The following LRRC71 variants were observed in gnomAD, a reference collection of about 807,000 sequenced individuals.
LRRC71 encodes the protein leucine-rich repeat-containing protein 71.
In LRRC71, 54 loss-of-function variants were observed where a neutral mutation model predicts 66.6. That is an observed-to-expected ratio of 0.81 (90% CI 0.65 to 1.02). The LOEUF (loss-of-function observed/expected upper bound fraction) is 1.02, where lower values mean the gene tolerates loss of function less well. Among genes scored for constraint, LRRC71 ranks in the 50% least tolerant of loss-of-function variants. The pLI is 0.00. For missense variants in LRRC71, 724 were observed against 718.0 expected, an observed-to-expected ratio of 1.01 and a Z score of -0.10; for synonymous variants, 323 against 303.9, an observed-to-expected ratio of 1.06 and a Z score of -0.65.
intron 9 of LRRC71, among the ~76,000 whole-genome samples, chr1:156,928,363 C>CTCTTCTCCTTCTTCTTCTTCTTCTTCT (rs1653596078): frequency 1.0e-5 from 1 of 98,784 alleles, no homozygotes; most frequent in Admixed American, 1.1e-4. Flanking sequence ...CTTCTTCTTC[C>CTCTTCTCCTTCTTCTTCTTCTTCTTCT]TCTTCTTCTT....
At chr1:156,937,180 C>G (rs1655603914), downstream of LRRC71, 1 of 1,602,812 alleles carries the variant, frequency 6.2e-7, no homozygotes, top group African/African-American at 1.3e-5. Flanking sequence ...ACACACATCT[C>G]ACTCATGGGG....
In LRRC71 at chr1:156,927,779, A is replaced by T; in HGVS notation, c.869A>T (p.Asn290Ile). The T allele has an allele frequency of 6.2e-7, 1 of 1,612,574 alleles. No homozygotes were observed. Among genetic ancestry groups the T allele is most frequent in the Non-Finnish European group, 8.5e-7 (1 of 1,179,718 alleles). The change falls in exon 8 of 15, where the codon AAC (asparagine) becomes ATC (isoleucine). Residue 290 changes from asparagine to isoleucine, a missense_variant. Transcript: ENST00000337428. ...RSLLWLSLAH[N>I]RIQDKGALKL... ...CTGCTCTGGCTGTCCCTGGCCCACA[A>T]CCGCATCCAGGACAAGGGCGCCCTG... is the stretch of plus-strand genomic sequence containing the variant.
At chr1:156,925,623 G>A (rs1436716139) in intron 5 of LRRC71, among the ~76,000 whole-genome samples, 12 of 152,250 alleles carry the variant, frequency 7.9e-5, no homozygotes. Context: ...GGAAGGAGCA[G>A]GAGCAAGGCA....
chr1:156,921,620 A>G, intron 1 of LRRC71: 9 of 984,974 alleles, frequency 9.1e-6, no homozygotes, highest in Non-Finnish European at 1.1e-5. Flanking sequence ...GATGGGGAGA[A>G]GGAATTATAG....
At position 156,927,312 on chromosome 1, in the gene LRRC71, C is replaced by G. The variant is rs200421185; in HGVS notation, c.662+42C>G. ...TCACCCCCTTTCTCTGGGCCTGTCT[C>G]GAAATTCCAAGCCATTTTTAGTCCC... On this transcript the variant is annotated intron_variant, in intron 6 of 14. Transcript: ENST00000337428. 1.5e-5 allele frequency: 24 copies of G among 1,601,324 alleles called. 1 individual carries two copies. In the Middle Eastern group the frequency reaches 5.0e-4, roughly 33 times the overall value.
the LRRC71 span, chr1:156,940,382 C>T: frequency 6.2e-7 from 1 of 1,612,934 alleles, no homozygotes; most frequent in East Asian, 2.2e-5. Context: ...GGTCCTCTAG[C>T]AGGACCTGGT....
chr1:156,939,707 C>A, the LRRC71 span: 1 of 1,614,114 alleles, frequency 6.2e-7, no homozygotes, highest in Non-Finnish European at 8.5e-7. Context: ...TCTGGCCGTT[C>A]CCCCTCCAGC....
chr1:156,935,930 C>T (rs964413051), downstream of LRRC71: 6 of 1,531,666 alleles, frequency 3.9e-6, no homozygotes, highest in Non-Finnish European at 5.3e-6. Flanking sequence ...TCCCCCCTAC[C>T]CTGTGCCCCG....
At position 156,929,370 on chromosome 1, in the gene LRRC71, G is replaced by C; in HGVS notation, c.1087G>C (p.Asp363His). The C allele has an allele frequency of 1.9e-6, 3 of 1,613,812 alleles. No homozygotes were observed. Among genetic ancestry groups the C allele is most frequent in the Non-Finnish European group, 2.5e-6 (3 of 1,179,822 alleles). ...ISNSALVDKT[D>H]KTQTMKTPKG... is the part of the protein sequence containing the mutation. ...CAATAGTGCATTGGTGGACAAGACA[G>C]ACAAGACGCAGACAATGAAAACCCC... Residue 363 changes from aspartate to histidine, a missense_variant, in exon 10 of 15, where the codon GAC (aspartate) becomes CAC (histidine). Coordinates refer to ENST00000337428, the MANE Select transcript of LRRC71 (RefSeq NM_144702.3).
chr1:156,931,092 CCTCT>C (rs1198962995), intron 12 of LRRC71, among the ~76,000 whole-genome samples: 1 of 152,148 alleles, frequency 6.6e-6, no homozygotes, highest in South Asian at 2.1e-4. Flanking sequence ...TTCTTCAGAC[CCTCT>C]CTCTTTTGCC....
At chr1:156,938,507 A>T in the LRRC71 span, 3 of 1,612,842 alleles carry the variant, frequency 1.9e-6, no homozygotes, top group Non-Finnish European at 2.5e-6. Context: ...GCTGCCTGCC[A>T]CCTCAGCTGC....
intron 1 of LRRC71, among the ~76,000 whole-genome samples, 186 bp downstream of exon 1, chr1:156,921,149 G>A (rs1240973419): frequency 2.0e-5 from 3 of 152,208 alleles, no homozygotes; most frequent in Non-Finnish European, 4.4e-5. Flanking sequence ...GTTTGGGATG[G>A]TGACAAATAC....
Position 156,923,935 on chromosome 1 carries a change from G to A in LRRC71, c.161-14G>A. The stretch of plus-strand genomic sequence containing the variant: ...GCGTGGCCCCTTCTCTCACGCCCCT[G>A]CCTGCCCCCGCAGAGGAGTACCAGT... On this transcript the variant is annotated splice_polypyrimidine_tract_variant and intron_variant, in intron 1 of 14. Transcript: ENST00000337428. 1 of 1,468,170 alleles carries A rather than the reference G, an allele frequency of 6.8e-7. No individual in the cohort carries two copies. The highest frequency in any genetic ancestry group is 2.4e-5 in the Admixed American group (1 of 41,058). 90.9% of individuals were successfully genotyped at this position (1,468,170 alleles called of 1,614,324 possible). A position where few individuals can be genotyped will look rare whatever the true frequency, so the allele number is the denominator to read the frequency against.
downstream of LRRC71, chr1:156,937,156 G>A: frequency 1.3e-6 from 2 of 1,585,982 alleles, no homozygotes; most frequent in Non-Finnish European, 8.6e-7. Context: ...ACAGGATCTA[G>A]GGCTCCCGCG....
rs199547867 is a variant in LRRC71 at position 156,927,958 on chromosome 1, G to A, written c.950G>A (p.Arg317His). 2 of 1,611,344 alleles carry A rather than the reference G, an allele frequency of 1.2e-6. No homozygotes were observed. The highest frequency in any genetic ancestry group is 2.7e-5 in the African/African-American group (2 of 74,988). The change falls in exon 9 of 15, where the codon CGC becomes CAC. Residue 317 changes from arginine to histidine, a missense_variant. Physicochemically the swap from Arg to His is conservative, Grantham distance 29. Coordinates refer to ENST00000337428, the MANE Select transcript of LRRC71 (RefSeq NM_144702.3). ...CTGACACACACCGAAGTGGTGGAGC[G>A]CCGACGCCTCCTGCTGGAAAAAGGG... is the stretch of plus-strand genomic sequence containing the variant. ...FELTHTEVVE[R>H]RRLLLEKGTQ... is the part of the protein sequence containing the mutation.
At chr1:156,925,334 C>A (rs1204319116) in intron 5 of LRRC71, among the ~76,000 whole-genome samples, 1 of 152,194 alleles carries the variant, frequency 6.6e-6, no homozygotes, top group African/African-American at 2.4e-5. Context: ...GGGGCTCTGG[C>A]CCTGTACTGG....
downstream of LRRC71, chr1:156,937,375 A>T (rs1384603508): frequency 6.2e-7 from 1 of 1,609,370 alleles, no homozygotes; most frequent in African/African-American, 1.3e-5. Context: ...CCTGCAGCTG[A>T]GGCTGAGGCT....
rs868536441 is a variant in LRRC71, at chr1:156,920,898, G to A, written c.95G>A (p.Arg32His). 2 of 1,540,490 alleles carry A rather than the reference G, an allele frequency of 1.3e-6. No homozygotes were observed. The highest frequency in any genetic ancestry group is 1.9e-4 in the Middle Eastern group (1 of 5,186). The change falls in exon 1 of 15, where the codon CGC becomes CAC. Residue 32 changes from arginine to histidine, a missense_variant. Coordinates refer to ENST00000337428, the MANE Select transcript of LRRC71 (RefSeq NM_144702.3). This position sits in a 1 kb window ranked among gnomAD's most constrained non-coding sequence, Gnocchi z 4.9. ...SSGAVTKKGE[R>H]AAKEKPATVL... ...GGCGCGGTGACCAAAAAGGGAGAGC[G>A]CGCGGCCAAAGAGAAGCCAGCGACC...
chr1:156,930,152 G>A (rs1654149133), intron 11 of LRRC71, among the ~76,000 whole-genome samples: 1 of 145,298 alleles, frequency 6.9e-6, no homozygotes, highest in African/African-American at 2.6e-5. Context: ...GAGTGCAGAG[G>A]TGCAATCTTG....
Sources: allele counts gnomAD v4.1 joint callset (sites outside exome capture counted in the v4.1 genomes callset), GRCh38; gene constraint gnomAD v4.1.1; non-coding constraint Gnocchi (gnomAD v3.1); transcripts MANE v1.5; gene names NCBI Gene and HGNC (gene_info 2026-07-23, HGNC 2026-07-21).